RFTN1: variants seen among roughly 807,000 people sequenced by gnomAD.
RFTN1 encodes the protein raftlin.
In RFTN1, 26 loss-of-function variants were observed where a neutral mutation model predicts 46.5. The observed-to-expected ratio is 0.56, with a 90% confidence interval of 0.41 to 0.78. The LOEUF (loss-of-function observed/expected upper bound fraction) is 0.78, where lower values mean the gene tolerates loss of function less well. Among genes scored for constraint, RFTN1 ranks in the 30% least tolerant of loss-of-function variants. RFTN1 has a pLI of 0.00. For missense variants in RFTN1, 693 were observed against 718.7 expected (o/e 0.96, Z 0.41); for synonymous variants, 261 against 284.2 (o/e 0.92, Z 0.82).
intron 2 of RFTN1, among the ~76,000 whole-genome samples, chr3:16,434,388 AC>A (rs60356015): frequency 0.092 from 13,039 of 141,698 alleles, 681 homozygotes; most frequent in Middle Eastern, 0.14. Flanking sequence ...AAACAAACAA[AC>A]AAACAAAAAC....
chr3:16,422,902 C>T lies in RFTN1; in HGVS notation c.332+10949G>A, dbSNP rs2075214470. Among the ~76,000 whole-genome samples, 1 of 152,038 alleles carries T rather than the reference C, an allele frequency of 6.6e-6. No individual in the cohort carries two copies. Among genetic ancestry groups the T allele is most frequent in the South Asian group, 2.1e-4 (1 of 4,808 alleles). ...AGACTCCTGGCTGGGTGCAGTGGCT[C>T]ACGCCTGTAATCCCAGCACTTTGGG... On this transcript the variant is annotated intron_variant, in intron 3 of 9. Transcript: ENST00000334133. This position sits in a 1 kb window ranked among gnomAD's most constrained non-coding sequence, Gnocchi z 4.6.
intron 4 of RFTN1, among the ~76,000 whole-genome samples, chr3:16,409,024 C>T (rs1032206237): frequency 1.3e-5 from 2 of 152,130 alleles, no homozygotes; most frequent in Non-Finnish European, 2.9e-5. Context: ...AGGGGGCTTG[C>T]GGCAATGAAG....
intron 3 of RFTN1, among the ~76,000 whole-genome samples, chr3:16,430,083 C>T (rs2075355176): frequency 6.6e-6 from 1 of 151,900 alleles, no homozygotes. Context: ...CTTAAACTCC[C>T]TATTGATAAA....
rs1005329788 is a variant in RFTN1, at chr3:16,320,955, A to G, written c.1332+2421T>C. On this transcript the variant is annotated intron_variant, in intron 9 of 9. Transcript: ENST00000334133. The surrounding 1 kb of genome is among the most constrained non-coding windows in gnomAD (Gnocchi z 4.5). Reference sequence around the variant, plus strand: ...GGCTCTGAATAGGGAACCTATTTGAAGGGGATATCTATTATTAGGAGATTA... The same window carrying G: ...GGCTCTGAATAGGGAACCTATTTGAGGGGGATATCTATTATTAGGAGATTA... Among the ~76,000 whole-genome samples the G allele has an allele frequency of 3.9e-5, 6 of 152,238 alleles. No homozygotes were observed. The highest frequency in any genetic ancestry group is 3.9e-4 in the Admixed American group (6 of 15,286).
At chr3:16,324,439 G>A (rs952391849) in intron 8 of RFTN1, among the ~76,000 whole-genome samples, 18 of 152,038 alleles carry the variant, frequency 1.2e-4, no homozygotes, top group Non-Finnish European at 2.4e-4. Flanking sequence ...TTGCCCATCC[G>A]CCCCACTCCC....
intron 2 of RFTN1, among the ~76,000 whole-genome samples, chr3:16,436,780 T>A (rs2075525502): frequency 6.6e-6 from 1 of 152,230 alleles, no homozygotes; most frequent in South Asian, 2.1e-4. Context: ...GATCCATTAA[T>A]CTATTTGTAT....
chr3:16,482,907 TAG>T (rs959537256), intron 2 of RFTN1: 55 of 1,389,116 alleles, frequency 4.0e-5, no homozygotes, highest in Non-Finnish European at 4.5e-5. Flanking sequence ...TGCGGAAATA[TAG>T]AAAGTCCCGC....
chr3:16,358,882 AT>A (rs1320644064), intron 6 of RFTN1, among the ~76,000 whole-genome samples: 1 of 152,008 alleles, frequency 6.6e-6, no homozygotes, highest in Non-Finnish European at 1.5e-5. Flanking sequence ...AATACAAAAA[AT>A]TAGCTGGGCG....
rs536936298 is a variant in RFTN1, at chr3:16,506,967, A to G, written c.-9+6475T>C. ...TGGCTCTCAAATTCACTTTCTTAAC[A>G]GTACAGCACAGGGGTTGGTCATACA... On this transcript the variant is annotated intron_variant, in intron 1 of 9. Transcript: ENST00000334133. The surrounding 1 kb of genome is among the most constrained non-coding windows in gnomAD (Gnocchi z 4.8). Among the ~76,000 whole-genome samples, 1 of 152,328 alleles carries G rather than the reference A, an allele frequency of 6.6e-6. No homozygotes were observed. The highest frequency in any genetic ancestry group is 6.5e-5 in the Admixed American group (1 of 15,304).
chr3:16,492,670 C>A (rs1325007740), intron 2 of RFTN1, among the ~76,000 whole-genome samples: 1 of 152,218 alleles, frequency 6.6e-6, no homozygotes, highest in Middle Eastern at 3.2e-3. Flanking sequence ...TGCTCTCAAA[C>A]TCCTGGGACC....
In RFTN1 at chr3:16,469,102, GT is replaced by G. The variant is rs2076150127; in HGVS notation, c.145+24622del. ...AGTGTCCTTATCCCACAGGTTACAT[GT>G]GAAAAATATCTAGCTGTCTATTGAA... On this transcript the variant is annotated intron_variant, in intron 2 of 9. Coordinates refer to ENST00000334133, the MANE Select transcript of RFTN1 (RefSeq NM_015150.2). 2.0e-5 allele frequency among the ~76,000 whole-genome samples: 3 copies of G among 152,272 alleles called. No individual in the cohort carries two copies. In the South Asian group the frequency reaches 6.2e-4, roughly 32 times the overall value.
intron 4 of RFTN1, among the ~76,000 whole-genome samples, chr3:16,408,065 G>A (rs1248644207): frequency 3.3e-5 from 5 of 152,030 alleles, no homozygotes; most frequent in Non-Finnish European, 7.4e-5. Context: ...ACGGCTTCCC[G>A]CTGCCTTTAC....
Position 16,418,793 on chromosome 3 carries a change from T to C in RFTN1, c.333-9310A>G, listed in dbSNP as rs1405514137. On this transcript the variant is annotated intron_variant, in intron 3 of 9. Coordinates refer to ENST00000334133, the MANE Select transcript of RFTN1 (RefSeq NM_015150.2). This position sits in a 1 kb window ranked among gnomAD's most constrained non-coding sequence, Gnocchi z 5.0. The stretch of plus-strand genomic sequence containing the variant: ...GTTTCATTAACTTACGTATAACTAA[T>C]GACAATAAAAATCTCCACTTATTCA... 2.0e-5 allele frequency among the ~76,000 whole-genome samples: 3 copies of C among 152,184 alleles called. No individual in the cohort carries two copies. Among genetic ancestry groups the C allele is most frequent in the Non-Finnish European group, 2.9e-5 (2 of 68,034 alleles).
Position 16,440,511 on chromosome 3 carries a change from G to A in RFTN1, c.146-6474C>T, listed in dbSNP as rs1460227906. ...TCTCTCCTGGCTTCTCCCCTACCTG[G>A]GCAGGGGCAGAGTCTCATCTCCTTA... On this transcript the variant is annotated intron_variant, in intron 2 of 9. Coordinates refer to ENST00000334133, the MANE Select transcript of RFTN1 (RefSeq NM_015150.2). This position sits in a 1 kb window ranked among gnomAD's most constrained non-coding sequence, Gnocchi z 4.6. 1.3e-5 allele frequency among the ~76,000 whole-genome samples: 2 copies of A among 152,088 alleles called. No homozygotes were observed. Among genetic ancestry groups the A allele is most frequent in the African/African-American group, 4.8e-5 (2 of 41,408 alleles).
chr3:16,348,990 G>C lies in RFTN1; in HGVS notation c.1146+8942C>G, dbSNP rs557859368. Among the ~76,000 whole-genome samples the C allele has an allele frequency of 2.6e-5, 4 of 152,170 alleles. No individual in the cohort carries two copies. The South Asian group carries it at 6.2e-4, about 24-fold the overall frequency. Reference sequence around the variant, plus strand: ...AAAGAGGGACAGACAGCCATCCCAGGCTCCACTATCCAAGGACAGGGTCAA... The same window carrying C: ...AAAGAGGGACAGACAGCCATCCCAGCCTCCACTATCCAAGGACAGGGTCAA... On this transcript the variant is annotated intron_variant, in intron 7 of 9. Coordinates refer to ENST00000334133, the MANE Select transcript of RFTN1 (RefSeq NM_015150.2). The surrounding 1 kb of genome is among the most constrained non-coding windows in gnomAD (Gnocchi z 6.3).
At position 16,322,110 on chromosome 3, in the gene RFTN1, T is replaced by G. The variant is rs1244893979; in HGVS notation, c.1332+1266A>C. Among the ~76,000 whole-genome samples the G allele has an allele frequency of 6.6e-6, 1 of 152,246 alleles. No individual in the cohort carries two copies. Among genetic ancestry groups the G allele is most frequent in the Non-Finnish European group, 1.5e-5 (1 of 68,042 alleles). ...AATGCATGCAGTTCCCGTGAGCCTG[T>G]GGCTGAGCTGAAACTGACAGCGCTC... is the stretch of plus-strand genomic sequence containing the variant. On this transcript the variant is annotated intron_variant, in intron 9 of 9. Coordinates refer to ENST00000334133, the MANE Select transcript of RFTN1 (RefSeq NM_015150.2). This position sits in a 1 kb window ranked among gnomAD's most constrained non-coding sequence, Gnocchi z 6.2.
In RFTN1 at chr3:16,330,000, G is replaced by A. The variant is rs1042160819; in HGVS notation, c.1147-3124C>T. The stretch of plus-strand genomic sequence containing the variant: ...AAACCGGCTGCTTCTATTTTGCTCC[G>A]TTTTATTTCATTTTGTCACTCTCTT... On this transcript the variant is annotated intron_variant, in intron 7 of 9. Coordinates refer to ENST00000334133, the MANE Select transcript of RFTN1 (RefSeq NM_015150.2). The surrounding 1 kb of genome is among the most constrained non-coding windows in gnomAD (Gnocchi z 4.5). Among the ~76,000 whole-genome samples, 4 of 152,104 alleles carry A rather than the reference G, an allele frequency of 2.6e-5. No homozygotes were observed. The highest frequency in any genetic ancestry group is 7.2e-5 in the African/African-American group (3 of 41,414).
rs1279313265 is a variant in RFTN1 at position 16,387,797 on chromosome 3, C to G, written c.442-9695G>C. 6.6e-6 allele frequency among the ~76,000 whole-genome samples: 1 copy of G among 152,130 alleles called. No individual in the cohort carries two copies. The highest frequency in any genetic ancestry group is 1.5e-5 in the Non-Finnish European group (1 of 68,020). On this transcript the variant is annotated intron_variant, in intron 4 of 9. Coordinates refer to ENST00000334133, the MANE Select transcript of RFTN1 (RefSeq NM_015150.2). The surrounding 1 kb of genome is among the most constrained non-coding windows in gnomAD (Gnocchi z 5.2). ...TCCTCACCGGCAGCTCCCCACAGCC[C>G]TCCTGTCACCTCCATGACGCCAAAT... is the stretch of plus-strand genomic sequence containing the variant.
chr3:16,405,076 T>C (rs1355436322), intron 4 of RFTN1, among the ~76,000 whole-genome samples: 2 of 152,106 alleles, frequency 1.3e-5, no homozygotes, highest in South Asian at 4.1e-4. Context: ...TGAACAGCAA[T>C]TTGAAGATGA....
Sources: gnomAD v4.1 joint callset for allele counts (sites outside exome capture counted in the v4.1 genomes callset) on GRCh38, gnomAD v4.1.1 for gene constraint, Gnocchi (gnomAD v3.1) non-coding constraint, MANE v1.5 for transcripts, NCBI Gene and HGNC (gene_info 2026-07-23, HGNC 2026-07-21) for gene names.